Variants in SMCHD1 observed in about 807,000 individuals in gnomAD.
SMCHD1 encodes the protein structural maintenance of chromosomes flexible hinge domain-containing protein 1.
Under a neutral mutation model 254.7 loss-of-function variants are expected in SMCHD1, and 78 were observed. The ratio of observed to expected loss-of-function variants is 0.31; its 90% confidence interval spans 0.26 to 0.37. The LOEUF (loss-of-function observed/expected upper bound fraction) is 0.37. Among genes scored for constraint, SMCHD1 ranks in the 10% least tolerant of loss-of-function variants. SMCHD1 has a pLI of 1.00. For missense variants in SMCHD1, 1,840 were observed against 2,408.1 expected (o/e 0.76, Z 4.94); for synonymous variants, 766 against 794.9 (o/e 0.96, Z 0.61).
rs563073358 is a variant in SMCHD1, at chr18:2,656,064, C to T, written c.-12C>T. The T allele has an allele frequency of 7.7e-4, 1,062 of 1,376,240 alleles. 4 individuals carry two copies. Among genetic ancestry groups the T allele is most frequent in the Middle Eastern group, 9.9e-4 (5 of 5,056 alleles). 85.3% of individuals were successfully genotyped at this position (1,376,240 alleles called of 1,614,324 possible). ...GCGGCAGGCGTCGCTGTCTTTTCTC[C>T]TTTTCCCCAATATGGCAGCGGCGGA... On this transcript the variant is annotated 5_prime_UTR_variant, in exon 1 of 48. Coordinates refer to ENST00000320876, the MANE Select transcript of SMCHD1 (RefSeq NM_015295.3).
chr18:2,674,895 G>A (rs1344833552), intron 5 of SMCHD1, among the ~76,000 whole-genome samples: 1 of 152,128 alleles, frequency 6.6e-6, no homozygotes, highest in East Asian at 1.9e-4. Flanking sequence ...TGTTAATATA[G>A]CTAAAACATT....
chr18:2,655,819 G>A lies in SMCHD1; in HGVS notation c.-257G>A. The A allele has an allele frequency of 3.0e-6, 1 of 328,426 alleles. No homozygotes were observed. The highest frequency in any genetic ancestry group is 4.7e-5 in the East Asian group (1 of 21,452). 20.3% of individuals were successfully genotyped at this position (328,426 alleles called of 1,614,324 possible). On this transcript the variant is annotated 5_prime_UTR_variant, in exon 1 of 48. Transcript: ENST00000320876. ...GCCCGGGCCCGGTGAGGAGCGCGCCGCGCGTCCCCTTCTCCTCAGGAGTGG... is the reference window on the plus strand; with the variant it reads ...GCCCGGGCCCGGTGAGGAGCGCGCCACGCGTCCCCTTCTCCTCAGGAGTGG...
At chr18:2,688,180 C>T (rs1381575493) in intron 5 of SMCHD1, among the ~76,000 whole-genome samples, 1 of 152,224 alleles carries the variant, frequency 6.6e-6, no homozygotes, top group African/African-American at 2.4e-5. Context: ...GTTTGCATTT[C>T]TTAAAAGTTT....
At chr18:2,739,312 G>T in intron 26 of SMCHD1, 120 bp from the exon 27 acceptor site, 1 of 690,572 alleles carries the variant, frequency 1.4e-6, no homozygotes, top group Non-Finnish European at 2.5e-6. Context: ...TTATTTGAAG[G>T]AGTGTTATTG....
chr18:2,779,598 G>A (rs2076121647), intron 44 of SMCHD1, among the ~76,000 whole-genome samples: 1 of 152,112 alleles, frequency 6.6e-6, no homozygotes, highest in African/African-American at 2.4e-5. Flanking sequence ...GGGGACTATA[G>A]GGATCATCTA....
rs201821082 is a variant in SMCHD1 at position 2,762,191 on chromosome 18, A to G, written c.4521A>G (p.Ser1507=). 382 of 1,611,440 alleles carry G rather than the reference A, an allele frequency of 2.4e-4. 3 individuals carry two copies. In the South Asian group the frequency reaches 4.1e-3, roughly 17 times the overall value. ...CACCAGCTGTTTCAAATGTTCGCTC[A>G]GTTGCCAGTAGGACCTTGGTCAGAG... ...PPTPAVSNVR[S]VASRTLVRDL... Residue 1507 remains serine (S), a synonymous_variant, in exon 36 of 48, where the codon TCA becomes TCG. Coordinates refer to ENST00000320876, the MANE Select transcript of SMCHD1 (RefSeq NM_015295.3).
intron 27 of SMCHD1, among the ~76,000 whole-genome samples, chr18:2,739,784 A>G (rs902254711): frequency 5.9e-5 from 9 of 152,172 alleles, no homozygotes; most frequent in African/African-American, 2.2e-4. Flanking sequence ...GTTAGAAGTT[A>G]ATAATAAAAG....
At chr18:2,760,881 T>G (rs2075772419) in intron 35 of SMCHD1, 142 bp downstream of exon 35, 1 of 536,714 alleles carries the variant, frequency 1.9e-6, no homozygotes, top group Admixed American at 3.6e-5. Context: ...GAAGTAATTA[T>G]TGGATGTGAA....
At chr18:2,740,674 T>C (rs770905233) in intron 27 of SMCHD1, 29 bp from the exon 28 acceptor site, 1 of 1,221,926 alleles carries the variant, frequency 8.2e-7, no homozygotes, top group Non-Finnish European at 1.2e-6. Flanking sequence ...TAAAAGATAA[T>C]ACTAAAATAA....
At chr18:2,702,630 G>A (rs1343381594) in intron 12 of SMCHD1, among the ~76,000 whole-genome samples, 1 of 152,182 alleles carries the variant, frequency 6.6e-6, no homozygotes, top group East Asian at 1.9e-4. Context: ...ATAGGAGTAA[G>A]TGTGGCAGCA....
chr18:2,665,620 G>A (rs570329528), intron 1 of SMCHD1, among the ~76,000 whole-genome samples: 9 of 152,238 alleles, frequency 5.9e-5, no homozygotes, highest in East Asian at 1.9e-4. Flanking sequence ...TGCCTGGCCA[G>A]TTTCCCTCTA....
intron 20 of SMCHD1, 67 bp downstream of exon 20, chr18:2,722,730 T>A: frequency 3.5e-6 from 5 of 1,412,380 alleles, no homozygotes; most frequent in Non-Finnish European, 4.7e-6. Context: ...TTTTTTCAGC[T>A]TCATTTTTTT....
intron 13 of SMCHD1, among the ~76,000 whole-genome samples, chr18:2,704,284 T>C (rs1481134361): frequency 6.6e-6 from 1 of 152,194 alleles, no homozygotes; most frequent in Non-Finnish European, 1.5e-5. Flanking sequence ...TAACAAGGTT[T>C]TTATGGTTTC....
Position 2,703,868 on chromosome 18 carries a change from A to C in SMCHD1, c.1824A>C (p.Ile608=). 6.2e-7 allele frequency: 1 copy of C among 1,603,532 alleles called. No homozygotes were observed. Residue 608 remains isoleucine, a synonymous_variant, in exon 13 of 48, where the codon ATA becomes ATC. Coordinates refer to ENST00000320876, the MANE Select transcript of SMCHD1 (RefSeq NM_015295.3). ...TYAAIEWDGK[I]YKAGQLVKTI... is the part of the protein sequence containing the mutation. ...CAGCAATAGAATGGGATGGAAAGAT[A>C]TACAAAGCAGGACAGCTGGTAGGTT... is the stretch of plus-strand genomic sequence containing the variant.
chr18:2,761,739 A>C (rs1377171048), intron 35 of SMCHD1, among the ~76,000 whole-genome samples: 4 of 151,942 alleles, frequency 2.6e-5, no homozygotes, highest in Non-Finnish European at 5.9e-5. Flanking sequence ...AATCGCTTGA[A>C]CCCAGGAGGC....
intron 45 of SMCHD1, among the ~76,000 whole-genome samples, chr18:2,786,688 A>G (rs1404162127): frequency 6.6e-6 from 1 of 152,128 alleles, no homozygotes; most frequent in Admixed American, 6.5e-5. Context: ...GCAAAACTCC[A>G]TATAAAAAAA....
At chr18:2,722,749 A>G in intron 20 of SMCHD1, 86 bp downstream of exon 20, 1 of 1,210,954 alleles carries the variant, frequency 8.3e-7, no homozygotes, top group Non-Finnish European at 1.1e-6. Context: ...TTTGTGTGTA[A>G]GGTGTTCAAC....
At chr18:2,711,090 C>T (rs1027613315) in intron 17 of SMCHD1, among the ~76,000 whole-genome samples, 9 of 152,108 alleles carry the variant, frequency 5.9e-5, no homozygotes, top group African/African-American at 1.9e-4. Flanking sequence ...GGTCCTCCCA[C>T]GTCAGCCTCC....
intron 47 of SMCHD1, 142 bp downstream of exon 47, chr18:2,796,663 C>T (rs967962504): frequency 3.3e-6 from 2 of 613,882 alleles, no homozygotes; most frequent in South Asian, 2.0e-5. Context: ...TCAGTGCAAC[C>T]TCTGCCTTCC....
Sources: allele counts gnomAD v4.1 joint callset (sites outside exome capture counted in the v4.1 genomes callset), GRCh38; gene constraint gnomAD v4.1.1; transcripts MANE v1.5; gene names NCBI Gene and HGNC (gene_info 2026-07-23, HGNC 2026-07-21).